Variants in ADCY2 observed in about 807,000 individuals in gnomAD.
ADCY2 encodes adenylate cyclase type 2.
Under a neutral mutation model 125.2 loss-of-function variants are expected in ADCY2, and 31 were observed. That is an observed-to-expected ratio of 0.25 (90% CI 0.19 to 0.33). The LOEUF is 0.33. Among genes scored for constraint, ADCY2 ranks in the 10% least tolerant of loss-of-function variants. ADCY2 has a pLI of 1.00. For missense variants in ADCY2, 904 were observed against 1,418.2 expected (o/e 0.64, Z 5.82); for synonymous variants, 512 against 548.4 (o/e 0.93, Z 0.93).
At chr5:7,567,314 T>G (rs756993837) in intron 3 of ADCY2, among the ~76,000 whole-genome samples, 39 of 152,292 alleles carry the variant, frequency 2.6e-4, no homozygotes, top group Non-Finnish European at 4.0e-4. Context: ...CTCTCTGGTT[T>G]CTGTTGATCC....
intron 3 of ADCY2, among the ~76,000 whole-genome samples, chr5:7,549,806 G>A (rs140992017): frequency 2.6e-5 from 4 of 152,284 alleles, no homozygotes; most frequent in South Asian, 4.2e-4. Context: ...TGAGTGGTGG[G>A]ATGTAGCCCT....
chr5:7,745,402 T>C (rs1360490115), intron 15 of ADCY2, among the ~76,000 whole-genome samples: 1 of 152,210 alleles, frequency 6.6e-6, no homozygotes, highest in African/African-American at 2.4e-5. Flanking sequence ...CTTCCAAAAA[T>C]GGGACTGTGG....
At chr5:7,590,015 G>A (rs927219460) in intron 3 of ADCY2, among the ~76,000 whole-genome samples, 15 of 152,092 alleles carry the variant, frequency 9.9e-5, no homozygotes, top group Non-Finnish European at 2.9e-5. Flanking sequence ...CAACCGTGTG[G>A]CCAACACTGG....
intron 4 of ADCY2, among the ~76,000 whole-genome samples, chr5:7,675,160 A>G (rs1740079796): frequency 1.4e-5 from 2 of 145,212 alleles, no homozygotes; most frequent in South Asian, 4.3e-4. Flanking sequence ...TCTGTCTCAA[A>G]AAAAAAAAAA....
At chr5:7,447,413 A>G (rs971288782) in intron 2 of ADCY2, among the ~76,000 whole-genome samples, 1 of 152,120 alleles carries the variant, frequency 6.6e-6, no homozygotes, top group African/African-American at 2.4e-5. Flanking sequence ...CAAGTCTCTT[A>G]TAGGGATCCC....
intron 4 of ADCY2, among the ~76,000 whole-genome samples, chr5:7,632,784 T>C (rs1738361178): frequency 6.6e-6 from 1 of 152,210 alleles, no homozygotes; most frequent in African/African-American, 2.4e-5. Flanking sequence ...GATGCTACAA[T>C]TTTGCCATGA....
intron 16 of ADCY2, among the ~76,000 whole-genome samples, chr5:7,764,143 T>C (rs969800584): frequency 6.6e-6 from 1 of 152,230 alleles, no homozygotes; most frequent in Non-Finnish European, 1.5e-5. Context: ...TAACAGGATA[T>C]CTTAAACACT....
intron 15 of ADCY2, among the ~76,000 whole-genome samples, chr5:7,755,812 C>T (rs1742975593): frequency 6.6e-6 from 1 of 152,144 alleles, no homozygotes; most frequent in Non-Finnish European, 1.5e-5. Flanking sequence ...TACAGCAATG[C>T]TTAGGGCAAC....
At chr5:7,814,400 G>A (rs1251899244) in intron 22 of ADCY2, among the ~76,000 whole-genome samples, 3 of 151,928 alleles carry the variant, frequency 2.0e-5, no homozygotes, top group Non-Finnish European at 4.4e-5. Flanking sequence ...CACAATGAGA[G>A]GTGAAGGATG....
Position 7,396,386 on chromosome 5 carries a change from G to A in ADCY2, c.90G>A (p.Arg30=), listed in dbSNP as rs142502015. 16 of 1,565,850 alleles carry A rather than the reference G, an allele frequency of 1.0e-5. No individual in the cohort carries two copies. Among genetic ancestry groups the A allele is most frequent in the Middle Eastern group, 1.8e-4 (1 of 5,676 alleles). ...AGGGDGLPRS[R]DWLYESYYCM... is the part of the protein sequence containing the mutation. ...GCGGAGACGGGCTGCCGCGGTCCCG[G>A]GACTGGCTCTACGAGTCCTACTACT... is the stretch of plus-strand genomic sequence containing the variant. Residue 30 remains arginine (R), a synonymous_variant, in exon 1 of 25, where the codon CGG becomes CGA. Coordinates refer to ENST00000338316, the MANE Select transcript of ADCY2 (RefSeq NM_020546.3). The surrounding 1 kb of genome is among the most constrained non-coding windows in gnomAD (Gnocchi z 5.7).
At chr5:7,713,005 C>G (rs923697191) in intron 11 of ADCY2, 106 bp downstream of exon 11, 3 of 805,240 alleles carry the variant, frequency 3.7e-6, no homozygotes, top group Admixed American at 2.6e-5. Flanking sequence ...TCTGAAAGAG[C>G]AGCTCCCCCT....
intron 2 of ADCY2, among the ~76,000 whole-genome samples, chr5:7,469,408 A>G (rs1742249881): frequency 6.6e-6 from 1 of 151,936 alleles, no homozygotes; most frequent in Non-Finnish European, 1.5e-5. Flanking sequence ...GAATGGCTCT[A>G]TCCTATTTGT....
intron 7 of ADCY2, among the ~76,000 whole-genome samples, chr5:7,700,961 A>G (rs1741058284): frequency 6.6e-6 from 1 of 152,098 alleles, no homozygotes; most frequent in Admixed American, 6.5e-5. Flanking sequence ...GCTTCTTCCC[A>G]TAAGTAAATC....
At chr5:7,796,554 A>C (rs906585946) in intron 20 of ADCY2, 1 of 152,232 alleles carries the variant, frequency 6.6e-6, no homozygotes, top group African/African-American at 2.4e-5. Context: ...TCAATGAAGA[A>C]GTGCTCATAG....
In ADCY2 at chr5:7,396,949, G is replaced by A. The variant is rs1739074446; in HGVS notation, c.210+443G>A. 6.6e-6 allele frequency among the ~76,000 whole-genome samples: 1 copy of A among 152,232 alleles called. No homozygotes were observed. The highest frequency in any genetic ancestry group is 1.5e-5 in the Non-Finnish European group (1 of 68,040). On this transcript the variant is annotated intron_variant, in intron 1 of 24. Transcript: ENST00000338316. The surrounding 1 kb of genome is among the most constrained non-coding windows in gnomAD (Gnocchi z 5.7). ...GCCCCACAGTTGGCATTTTAGTTGG[G>A]ATTGGGCGTTATTCAACTCTGCAGA...
chr5:7,772,052 A>G (rs181562816), intron 17 of ADCY2, among the ~76,000 whole-genome samples: 220 of 152,278 alleles, frequency 1.4e-3, no homozygotes, highest in East Asian at 3.9e-3. Context: ...GGCTCTGTGC[A>G]TTACTTTTTT....
At chr5:7,628,559 T>C (rs1193130908) in intron 4 of ADCY2, among the ~76,000 whole-genome samples, 3 of 152,214 alleles carry the variant, frequency 2.0e-5, no homozygotes, top group East Asian at 3.9e-4. Flanking sequence ...AGAAAAGAAG[T>C]CAGTGATTCT....
chr5:7,499,664 T>TATATAC (rs1561059025), intron 2 of ADCY2, among the ~76,000 whole-genome samples: 1 of 120,022 alleles, frequency 8.3e-6, no homozygotes, highest in African/African-American at 2.7e-5. Context: ...TATATATATA[T>TATATAC]ATATATATAT....
rs372631903 is a variant in ADCY2, at chr5:7,727,167, C to T, written c.1777C>T (p.Arg593Trp). 9.5e-5 allele frequency: 153 copies of T among 1,613,152 alleles called. No homozygotes were observed. The highest frequency in any genetic ancestry group is 1.2e-4 in the Non-Finnish European group (143 of 1,179,506). ...FYNKVLEKEY[R>W]ATALPAFKYY... ...CAGGTTCCTTTCTCCCCCTCAGTACCGGGCCACGGCACTGCCAGCGTTCAA... is the reference window on the plus strand; with the variant it reads ...CAGGTTCCTTTCTCCCCCTCAGTACTGGGCCACGGCACTGCCAGCGTTCAA... Residue 593 changes from arginine to tryptophan, a missense_variant, in exon 14 of 25, where the codon CGG (arginine) becomes TGG (tryptophan). By Grantham distance (101) the Arg-to-Trp change is moderately radical (BLOSUM62 -3). Coordinates refer to ENST00000338316, the MANE Select transcript of ADCY2 (RefSeq NM_020546.3).
Sources: gnomAD v4.1 joint callset for allele counts (sites outside exome capture counted in the v4.1 genomes callset) on GRCh38, gnomAD v4.1.1 for gene constraint, Gnocchi (gnomAD v3.1) non-coding constraint, MANE v1.5 for transcripts, NCBI Gene and HGNC (gene_info 2026-07-23, HGNC 2026-07-21) for gene names.